Variants in DNAJC21 observed in about 807,000 individuals in gnomAD.
DNAJC21 encodes DnaJ heat shock protein family (Hsp40) member C21, also known as dnaJ homolog subfamily C member 21.
Under a neutral mutation model 72.4 loss-of-function variants are expected in DNAJC21, and 63 were observed. The ratio of observed to expected loss-of-function variants is 0.87; its 90% CI spans 0.71 to 1.07. The LOEUF is 1.07. DNAJC21 is among the 50% of genes least tolerant of loss of function. The pLI is 0.00. For synonymous variants in DNAJC21, 203 were observed against 216.7 expected, an observed-to-expected ratio of 0.94 and a Z score of 0.56; for missense variants, 634 against 644.8, an observed-to-expected ratio of 0.98 and a Z score of 0.18.
rs1765458354 is a variant in DNAJC21, at chr5:34,953,932, T to G, written c.1365T>G (p.Pro455=). The G allele has an allele frequency of 6.2e-7, 1 of 1,610,540 alleles. No homozygotes were observed. The highest frequency in any genetic ancestry group is 1.1e-5 in the South Asian group (1 of 90,068). The change falls in exon 11 of 12, where the codon CCT becomes CCG. Residue 455 remains proline, a synonymous_variant. Coordinates refer to ENST00000648817, the MANE Select transcript of DNAJC21 (RefSeq NM_001012339.3). ...TGAATTATTTATTTTCCAGTGTTCC[T>G]AAACCCAAAGGAAAGAAAACCAAAG... ...DDPKSEAKSV[P]KPKGKKTKDM...
rs1339930337 is a variant in DNAJC21, at chr5:34,934,131, A to G, written c.191+223A>G. On this transcript the variant is annotated intron_variant, in intron 2 of 11. Transcript: ENST00000648817. Reference sequence around the variant, plus strand: ...ATAGGGGGTGAAACAAAGTTTGGTGATATTATATAGTTTTAATTTTGATAC... The same window carrying G: ...ATAGGGGGTGAAACAAAGTTTGGTGGTATTATATAGTTTTAATTTTGATAC... Among the ~76,000 whole-genome samples the G allele has an allele frequency of 2.6e-5, 4 of 152,268 alleles. No homozygotes were observed. In the East Asian group the frequency reaches 7.7e-4, roughly 29 times the overall value.
At chr5:34,949,165 A>G (rs1297237864) in intron 9 of DNAJC21, among the ~76,000 whole-genome samples, 1 of 152,192 alleles carries the variant, frequency 6.6e-6, no homozygotes, top group Non-Finnish European at 1.5e-5. Flanking sequence ...CAAATGATCA[A>G]ACTTAATAAT....
Position 34,944,847 on chromosome 5 carries a change from A to G in DNAJC21, c.984-20A>G, listed in dbSNP as rs1313996724. On this transcript the variant is annotated intron_variant, in intron 7 of 11. Coordinates refer to ENST00000648817, the MANE Select transcript of DNAJC21 (RefSeq NM_001012339.3). ...TGAACTAATTTTAGCGCAGCTGCTC[A>G]CGTCAGATTGCTCTTTCAGCATGAA... The G allele has an allele frequency of 1.2e-6, 2 of 1,613,612 alleles. No individual in the cohort carries two copies. The highest frequency in any genetic ancestry group is 3.3e-4 in the Middle Eastern group (2 of 6,056).
At chr5:34,939,443 T>A (rs1014321470) in intron 6 of DNAJC21, among the ~76,000 whole-genome samples, 5 of 152,066 alleles carry the variant, frequency 3.3e-5, no homozygotes, top group African/African-American at 1.2e-4. Flanking sequence ...TTTTTTGTAT[T>A]TTTAGTAGAG....
At chr5:34,945,695 T>TC in intron 8 of DNAJC21, 66 bp from the exon 9 acceptor site, 1 of 1,437,562 alleles carries the variant, frequency 7.0e-7, no homozygotes, top group Admixed American at 2.5e-5. Context: ...GTTTCAACTT[T>TC]TTTTTTTTTC....
At chr5:34,939,507 C>T (rs957749327) in intron 6 of DNAJC21, among the ~76,000 whole-genome samples, 2 of 152,226 alleles carry the variant, frequency 1.3e-5, no homozygotes, top group African/African-American at 2.4e-5. Flanking sequence ...CCTCGTGATC[C>T]ACCCGCCTCG....
In DNAJC21 at chr5:34,954,625, G is replaced by A. The variant is rs1158295440; in HGVS notation, c.1507G>A (p.Ala503Thr). Residue 503 changes from alanine (A) to threonine (T), a missense_variant, in exon 12 of 12, where the codon GCC (alanine) becomes ACC (threonine). By Grantham distance (58) the Ala-to-Thr change is moderately conservative. Transcript: ENST00000648817. ...SRNKLFDHLK[A>T]TGHARAPSSS... is the part of the protein sequence containing the mutation. Reference sequence around the variant, plus strand: ...GAATAAACTTTTTGACCATCTAAAGGCCACAGGTCATGCAAGAGCACCTTC... The same window carrying A: ...GAATAAACTTTTTGACCATCTAAAGACCACAGGTCATGCAAGAGCACCTTC... 1.9e-6 allele frequency: 3 copies of A among 1,613,504 alleles called. No individual in the cohort carries two copies. The highest frequency in any genetic ancestry group is 2.5e-6 in the Non-Finnish European group (3 of 1,179,820).
intron 11 of DNAJC21, 159 bp downstream of exon 11, chr5:34,954,160 T>C (rs1765465609): frequency 1.7e-6 from 1 of 598,112 alleles, no homozygotes; most frequent in African/African-American, 1.9e-5. Flanking sequence ...TATCTTTTTT[T>C]TTCATTAAAA....
At chr5:34,941,069 T>C (rs776562460) in intron 6 of DNAJC21, 27 bp from the exon 7 acceptor site, 9 of 1,585,870 alleles carry the variant, frequency 5.7e-6, no homozygotes, top group Non-Finnish European at 5.2e-6. Flanking sequence ...TCAAAGAGGG[T>C]TCTTACTGTA....
chr5:34,952,242 C>G (rs1765397695), intron 10 of DNAJC21: 2 of 983,802 alleles, frequency 2.0e-6, no homozygotes, highest in Non-Finnish European at 2.4e-6. Context: ...GGAATATTAT[C>G]CTAAATTTGT....
chr5:34,944,475 A>C (rs1448146979), intron 7 of DNAJC21, among the ~76,000 whole-genome samples: 1 of 152,252 alleles, frequency 6.6e-6, no homozygotes, highest in Non-Finnish European at 1.5e-5. Flanking sequence ...TGATTAAAAG[A>C]AAACAATGGC....
Position 34,937,719 on chromosome 5 carries a change from G to C in DNAJC21, c.743+89G>C, listed in dbSNP as rs1488550872. On this transcript the variant is annotated intron_variant, in intron 5 of 11. Coordinates refer to ENST00000648817, the MANE Select transcript of DNAJC21 (RefSeq NM_001012339.3). The stretch of plus-strand genomic sequence containing the variant: ...ACCTTACATGTTCATGTTGGGTTCA[G>C]TCATCAGCCTGGCTTTATCCTGCTT... The C allele has an allele frequency of 2.7e-6, 4 of 1,459,088 alleles. No individual in the cohort carries two copies. The Admixed American group carries it at 6.9e-5, about 25-fold the overall frequency. 90.4% of individuals were successfully genotyped at this position (1,459,088 alleles called of 1,614,324 possible).
intron 9 of DNAJC21, 77 bp from the exon 10 acceptor site, chr5:34,950,093 T>G: frequency 6.8e-7 from 1 of 1,461,838 alleles, no homozygotes; most frequent in Non-Finnish European, 9.1e-7. Context: ...GGTATATAAC[T>G]ATTTGGCAAC....
intron 5 of DNAJC21, among the ~76,000 whole-genome samples, chr5:34,938,280 T>C (rs950685939): frequency 6.6e-6 from 1 of 152,170 alleles, no homozygotes; most frequent in Non-Finnish European, 1.5e-5. Context: ...TTATCCTCCT[T>C]GTTCTTCTGA....
At chr5:34,944,043 A>G (rs560812341) in intron 7 of DNAJC21, among the ~76,000 whole-genome samples, 1 of 152,348 alleles carries the variant, frequency 6.6e-6, no homozygotes, top group South Asian at 2.1e-4. Flanking sequence ...TAAAACTATA[A>G]TACCAAAAGC....
At chr5:34,933,094 C>CT (rs1286675348) in intron 1 of DNAJC21, among the ~76,000 whole-genome samples, 2 of 152,018 alleles carry the variant, frequency 1.3e-5, no homozygotes, top group African/African-American at 4.8e-5. Flanking sequence ...ATTTTTTAAA[C>CT]TTTATGAGAT....
intron 10 of DNAJC21, chr5:34,951,684 C>T (rs919927627): frequency 3.1e-5 from 24 of 770,018 alleles, no homozygotes; most frequent in Middle Eastern, 6.5e-4. Flanking sequence ...TGCACTGCCA[C>T]GCCTGGCTAT....
intron 1 of DNAJC21, among the ~76,000 whole-genome samples, chr5:34,933,598 G>A (rs940948097): frequency 1.7e-4 from 26 of 152,248 alleles, no homozygotes; most frequent in South Asian, 8.3e-4. Context: ...GTTTAGTGAT[G>A]TACCAAGGCT....
chr5:34,941,691 C>T (rs776468950), intron 7 of DNAJC21, among the ~76,000 whole-genome samples: 4 of 151,544 alleles, frequency 2.6e-5, no homozygotes, highest in Non-Finnish European at 1.5e-5. Context: ...CTCAAGCTCC[C>T]GAGTAGCTGG....
Sources: gnomAD v4.1 joint callset for allele counts (sites outside exome capture counted in the v4.1 genomes callset) on GRCh38, gnomAD v4.1.1 for gene constraint, MANE v1.5 for transcripts, NCBI Gene and HGNC (gene_info 2026-07-23, HGNC 2026-07-21) for gene names.